The following ZNF444 variants were observed in gnomAD, a reference collection of about 807,000 sequenced individuals.
The protein encoded by ZNF444 is endothelial zinc finger protein 2.
In ZNF444, 8 loss-of-function variants were observed where a neutral mutation model predicts 14.4. The observed-to-expected ratio is 0.56, with a 90% CI of 0.33 to 1.00. The LOEUF (loss-of-function observed/expected upper bound fraction) is 1.00, where lower values mean the gene tolerates loss of function less well. ZNF444 is among the 50% of genes least tolerant of loss of function. The probability of loss-of-function intolerance (pLI) is 0.03; values close to 1 mark genes in which losing one functional copy is unlikely to be tolerated. For missense variants in ZNF444, 510 were observed against 504.8 expected (o/e 1.01, Z -0.10); for synonymous variants, 258 against 235.9 (o/e 1.09, Z -0.86).
At chr19:56,148,257 C>G (rs993863124) in intron 3 of ZNF444, among the ~76,000 whole-genome samples, 1 of 152,132 alleles carries the variant, frequency 6.6e-6, no homozygotes, top group Admixed American at 6.5e-5. Flanking sequence ...GTCCAGGCCA[C>G]GAGAGCAGCC....
intron 3 of ZNF444, among the ~76,000 whole-genome samples, chr19:56,152,477 GGTTTT>G (rs201509228): frequency 1.1e-3 from 156 of 146,700 alleles, no homozygotes; most frequent in African/African-American, 3.0e-3. Context: ...TTGATTCCAG[GGTTTT>G]GTTTTTTTTT....
At chr19:56,146,786 C>CA (rs1159540485) in intron 2 of ZNF444, 104 bp from the exon 3 acceptor site, 4 of 979,436 alleles carry the variant, frequency 4.1e-6, no homozygotes, top group Non-Finnish European at 5.3e-6. Flanking sequence ...AACTCCGTCT[C>CA]AAAAAATAAA....
chr19:56,138,994 A>C (rs1568546035), upstream of ZNF444, among the ~76,000 whole-genome samples: 1 of 151,550 alleles, frequency 6.6e-6, no homozygotes, highest in African/African-American at 2.4e-5. Flanking sequence ...ACGGGGTTTC[A>C]CCATGTTGGC....
upstream of ZNF444, among the ~76,000 whole-genome samples, chr19:56,138,970 T>C (rs1418019873): frequency 6.6e-6 from 1 of 151,700 alleles, no homozygotes; most frequent in Admixed American, 6.6e-5. Context: ...CTAATTTTTG[T>C]ATTTTTAGTA....
rs2031068073 is a variant in ZNF444 at position 56,144,827 on chromosome 19, C to T, written c.-196-1420C>T. 6.6e-6 allele frequency among the ~76,000 whole-genome samples: 1 copy of T among 152,244 alleles called. No individual in the cohort carries two copies. Among genetic ancestry groups the T allele is most frequent in the South Asian group, 2.1e-4 (1 of 4,832 alleles). ...CATAGGACAGAACTGATTCTTTTCT[C>T]CCATAATACTCCAGAGGTGTTCTGG... On this transcript the variant is annotated intron_variant, in intron 1 of 4. Coordinates refer to ENST00000337080, the MANE Select transcript of ZNF444 (RefSeq NM_018337.4). This position sits in a 1 kb window ranked among gnomAD's most constrained non-coding sequence, Gnocchi z 4.0.
At chr19:56,142,909 C>T (rs2030923023) in intron 1 of ZNF444, among the ~76,000 whole-genome samples, 1 of 152,208 alleles carries the variant, frequency 6.6e-6, no homozygotes, top group Admixed American at 6.5e-5. Context: ...CATCTGGGTC[C>T]CATTTGTGGC....
At chr19:56,157,026 G>C (rs1040235279) in intron 3 of ZNF444, 2 of 152,272 alleles carry the variant, frequency 1.3e-5, no homozygotes, top group African/African-American at 4.8e-5. Context: ...TGTCAACCCC[G>C]GTGCCCTTGA....
intron 1 of ZNF444, among the ~76,000 whole-genome samples, chr19:56,134,444 T>TGGG (rs1373985049): frequency 6.6e-6 from 1 of 152,066 alleles, no homozygotes; most frequent in Non-Finnish European, 1.5e-5. Context: ...TGTTGCTGAG[T>TGGG]CGCTCAGCAT....
Position 56,158,532 on chromosome 19 carries a change from G to T in ZNF444, c.336G>T (p.Arg112Ser), listed in dbSNP as rs750740169. The T allele has an allele frequency of 7.4e-6, 12 of 1,611,962 alleles. No homozygotes were observed. The Middle Eastern group carries it at 5.0e-4, about 67-fold the overall frequency. Residue 112 changes from arginine to serine, a missense_variant, in exon 4 of 5, where the codon AGG (arginine) becomes AGT (serine). Physicochemically the swap from Arg to Ser is moderately radical, Grantham distance 110. Coordinates refer to ENST00000337080, the MANE Select transcript of ZNF444 (RefSeq NM_018337.4). Reference protein sequence around the residue: ...AASPDGSSATRVPQDVTQGPG... With the variant: ...AASPDGSSATSVPQDVTQGPG... ...CCCCCGATGGGTCGTCAGCAACGAG[G>T]GTGCCTCAGGATGTGACGCAGGGCC...
chr19:56,133,877 G>C (rs982353327), intron 1 of ZNF444, among the ~76,000 whole-genome samples: 7 of 151,828 alleles, frequency 4.6e-5, no homozygotes, highest in African/African-American at 1.7e-4. Context: ...AGCATGAGGG[G>C]GAAGTCAGAT....
chr19:56,150,413 T>G, intron 3 of ZNF444: 1 of 347,064 alleles, frequency 2.9e-6, no homozygotes, highest in Non-Finnish European at 5.6e-6. Context: ...CTCTGCTTGC[T>G]CCGAGGCGAA....
At chr19:56,154,786 C>T (rs1382069519) in intron 3 of ZNF444, 2 of 151,736 alleles carry the variant, frequency 1.3e-5, no homozygotes, top group Non-Finnish European at 1.5e-5. Context: ...AGAACATCAG[C>T]AGCTTGATCC....
chr19:56,146,921 GC>G lies in ZNF444; in HGVS notation c.11del (p.Ala4GlyfsTer4). On this transcript the variant is annotated frameshift_variant, in exon 3 of 5. Coordinates refer to ENST00000337080, the MANE Select transcript of ZNF444 (RefSeq NM_018337.4). LOFTEE classifies it high-confidence loss of function. MEV[A>X]VPVKQEAEGL... ...CGGTCCGGGAGGCCCCATGGAGGTGGCGGTGCCCGTGAAGCAGGAGGCCGAG... is the reference window on the plus strand; with the variant it reads ...CGGTCCGGGAGGCCCCATGGAGGTGGGGTGCCCGTGAAGCAGGAGGCCGAG... 1 of 1,433,506 alleles carries G rather than the reference GC, an allele frequency of 7.0e-7. No homozygotes were observed. Among genetic ancestry groups the G allele is most frequent in the Admixed American group, 3.1e-5 (1 of 32,462 alleles). The allele number at this position is 1,433,506 out of a possible 1,614,324, so 88.8% of individuals were successfully genotyped here.
At chr19:56,154,610 A>C (rs2031787908) in intron 3 of ZNF444, 2 of 137,074 alleles carry the variant, frequency 1.5e-5, no homozygotes, top group African/African-American at 2.7e-5. Context: ...CAACCACCTA[A>C]CAGGACAAGG....
At chr19:56,136,829 T>C (rs1416743926), upstream of ZNF444, among the ~76,000 whole-genome samples, 1 of 152,100 alleles carries the variant, frequency 6.6e-6, no homozygotes, top group African/African-American at 2.4e-5. Context: ...TTGCCCAGGC[T>C]GGAGTGCAAT....
At chr19:56,135,558 C>T (rs948953953) in intron 1 of ZNF444, among the ~76,000 whole-genome samples, 1 of 152,006 alleles carries the variant, frequency 6.6e-6, no homozygotes, top group Non-Finnish European at 1.5e-5. Context: ...CCTCATGGTA[C>T]CCAGGTGGCT....
At chr19:56,152,483 GTT>G (rs113205489) in intron 3 of ZNF444, among the ~76,000 whole-genome samples, 23 of 122,530 alleles carry the variant, frequency 1.9e-4, no homozygotes, top group Admixed American at 2.4e-4. Flanking sequence ...CCAGGGTTTT[GTT>G]TTTTTTTTTT....
chr19:56,158,528 C>G lies in ZNF444; in HGVS notation c.332C>G (p.Thr111Arg). The G allele has an allele frequency of 6.2e-7, 1 of 1,611,772 alleles. No homozygotes were observed. Among genetic ancestry groups the G allele is most frequent in the Non-Finnish European group, 8.5e-7 (1 of 1,178,884 alleles). ...PAASPDGSSA[T>R]RVPQDVTQGP... The stretch of plus-strand genomic sequence containing the variant: ...GCCTCCCCCGATGGGTCGTCAGCAA[C>G]GAGGGTGCCTCAGGATGTGACGCAG... The change falls in exon 4 of 5, where the codon ACG (threonine) becomes AGG (arginine). Residue 111 changes from threonine (T) to arginine (R), a missense_variant. Transcript: ENST00000337080.
At chr19:56,148,212 G>A (rs905785308) in intron 3 of ZNF444, among the ~76,000 whole-genome samples, 2 of 152,166 alleles carry the variant, frequency 1.3e-5, no homozygotes, top group Non-Finnish European at 2.9e-5. Context: ...GGTGATGAGC[G>A]GTGGGCAGCC....
Sources: gnomAD v4.1 joint callset for allele counts (sites outside exome capture counted in the v4.1 genomes callset) on GRCh38, gnomAD v4.1.1 for gene constraint, Gnocchi (gnomAD v3.1) non-coding constraint, MANE v1.5 for transcripts, NCBI Gene and HGNC (gene_info 2026-07-23, HGNC 2026-07-21) for gene names.